The following DDX60 variants were observed in gnomAD, a reference collection of about 807,000 sequenced individuals.
DDX60 encodes the protein DExD/H-box helicase 60.
Under a neutral mutation model 212.8 loss-of-function variants are expected in DDX60, and 165 were observed. That is an observed-to-expected ratio of 0.78 (90% CI 0.68 to 0.88). DDX60 has a LOEUF of 0.88. Ranked by LOEUF, DDX60 falls within the 40% of genes least tolerant of loss-of-function variation. The pLI is 0.00. For synonymous variants in DDX60, 703 were observed against 685.3 expected (o/e 1.03, Z -0.40); for missense variants, 1,905 against 2,003.9 (o/e 0.95, Z 0.94).
chr4:168,294,017 G>A (rs1031143214), intron 6 of DDX60, 72 bp from the exon 7 acceptor site: 2 of 1,415,746 alleles, frequency 1.4e-6, no homozygotes, highest in African/African-American at 1.4e-5. Context: ...GATCTTACTA[G>A]TGGGTACTAC....
At chr4:168,281,919 A>G (rs573049360) in intron 13 of DDX60, among the ~76,000 whole-genome samples, 7 of 152,300 alleles carry the variant, frequency 4.6e-5, no homozygotes, top group Admixed American at 2.6e-4. Context: ...GTTACCTTTG[A>G]CCCTTTGCCA....
chr4:168,323,565 T>C (rs1192645612), upstream of DDX60, among the ~76,000 whole-genome samples: 1 of 152,226 alleles, frequency 6.6e-6, no homozygotes, highest in East Asian at 1.9e-4. Flanking sequence ...TGTTATATAT[T>C]CTGAGAAGTG....
chr4:168,235,598 A>G (rs1339377542), intron 33 of DDX60, among the ~76,000 whole-genome samples: 1 of 152,108 alleles, frequency 6.6e-6, no homozygotes, highest in East Asian at 1.9e-4. Context: ...GAAAATATAT[A>G]CTAATTCTTT....
At position 168,307,988 on chromosome 4, in the gene DDX60, A is replaced by G; in HGVS notation, c.264+18T>C. On this transcript the variant is annotated intron_variant, in intron 4 of 37. Coordinates refer to ENST00000393743, the MANE Select transcript of DDX60 (RefSeq NM_017631.6). ...TTTAGTTCTCATATTATAAAAAAGA[A>G]CTCAACTATCATGTTACCTTGAAGA... is the stretch of plus-strand genomic sequence containing the variant. 1 of 1,487,064 alleles carries G rather than the reference A, an allele frequency of 6.7e-7. No individual in the cohort carries two copies. The allele number at this position is 1,487,064 out of a possible 1,614,324, so 92.1% of individuals were successfully genotyped here.
Position 168,268,003 on chromosome 4 carries a change from T to C in DDX60, c.2787-20A>G. On this transcript the variant is annotated intron_variant, in intron 20 of 37. Transcript: ENST00000393743. Reference sequence around the variant, plus strand: ...AGCCACCTTAAAAAATAAATGTACATATTATTTAGGCAGAACATGGAACTA... The same window carrying C: ...AGCCACCTTAAAAAATAAATGTACACATTATTTAGGCAGAACATGGAACTA... 6.3e-7 allele frequency: 1 copy of C among 1,596,274 alleles called. No homozygotes were observed. The highest frequency in any genetic ancestry group is 1.3e-5 in the African/African-American group (1 of 74,220).
intron 27 of DDX60, 117 bp downstream of exon 27, chr4:168,252,392 G>T: frequency 8.1e-7 from 1 of 1,232,542 alleles, no homozygotes. Flanking sequence ...TTTTGGTAGG[G>T]ATTGTATTAA....
chr4:168,280,461 A>G lies in DDX60; in HGVS notation c.1852T>C (p.Ser618Pro), dbSNP rs1735539712. Reference sequence around the variant, plus strand: ...AAATCTTCCAGGCTCTTTATTCCAGAGTGTAAATTTTCTTTCAATTGCTCT... The same window carrying G: ...AAATCTTCCAGGCTCTTTATTCCAGGGTGTAAATTTTCTTTCAATTGCTCT... ...IEEQLKENLH[S>P]GIKSLEDFLK... The change falls in exon 14 of 38, where the codon TCT (serine) becomes CCT (proline). Residue 618 changes from serine (S) to proline (P), a missense_variant. Physicochemically the swap from Ser to Pro is moderately conservative, Grantham distance 74. Transcript: ENST00000393743. 6.2e-7 allele frequency: 1 copy of G among 1,614,162 alleles called. No individual in the cohort carries two copies. Among genetic ancestry groups the G allele is most frequent in the Non-Finnish European group, 8.5e-7 (1 of 1,180,016 alleles).
intron 33 of DDX60, among the ~76,000 whole-genome samples, chr4:168,230,595 C>T (rs1733417123): frequency 6.6e-6 from 1 of 152,004 alleles, no homozygotes; most frequent in Admixed American, 6.6e-5. Context: ...ATTATTGGGT[C>T]AACAATGAAA....
chr4:168,269,776 C>T (rs1354428610), intron 19 of DDX60, among the ~76,000 whole-genome samples: 1 of 152,136 alleles, frequency 6.6e-6, no homozygotes, highest in African/African-American at 2.4e-5. Flanking sequence ...CTGTCTCCAC[C>T]TTTACTATGG....
rs1413053198 is a variant in DDX60 at position 168,237,778 on chromosome 4, C to T, written c.4182G>A (p.Lys1394=). Residue 1394 remains lysine (K), a synonymous_variant, in exon 31 of 38, where the codon AAG becomes AAA. Coordinates refer to ENST00000393743, the MANE Select transcript of DDX60 (RefSeq NM_017631.6). ...DAKAKVLSVL[K]HSLLSFKQPR... ...GTTGCTTGAAGGACAGCAATGAATG[C>T]TTTAGCACTGATAGCACCTTTAAAG... is the stretch of plus-strand genomic sequence containing the variant. The T allele has an allele frequency of 6.2e-7, 1 of 1,609,108 alleles. No homozygotes were observed. Among genetic ancestry groups the T allele is most frequent in the African/African-American group, 1.3e-5 (1 of 74,858 alleles).
rs1252643132 is a variant in DDX60, at chr4:168,268,972, A to G, written c.2671-3T>C. On this transcript the variant is annotated splice_region_variant and splice_polypyrimidine_tract_variant and intron_variant, in intron 19 of 37. Coordinates refer to ENST00000393743, the MANE Select transcript of DDX60 (RefSeq NM_017631.6). ...ATTTCTCCACCAAGACAATGAACCTATTAAACAAAAAAAAAAAAATCTCAA... is the reference window on the plus strand; with the variant it reads ...ATTTCTCCACCAAGACAATGAACCTGTTAAACAAAAAAAAAAAAATCTCAA... The G allele has an allele frequency of 6.9e-7, 1 of 1,443,406 alleles. No individual in the cohort carries two copies. Among genetic ancestry groups the G allele is most frequent in the Non-Finnish European group, 9.2e-7 (1 of 1,082,052 alleles). The allele number at this position is 1,443,406 out of a possible 1,614,324, so 89.4% of individuals were successfully genotyped here. A position where few individuals can be genotyped will look rare whatever the true frequency, so the allele number is the denominator to read the frequency against.
At chr4:168,310,153 T>C (rs1427317900) in intron 3 of DDX60, among the ~76,000 whole-genome samples, 1 of 152,198 alleles carries the variant, frequency 6.6e-6, no homozygotes, top group Non-Finnish European at 1.5e-5. Flanking sequence ...ACAATGTCCC[T>C]GGCCACCTAG....
At chr4:168,316,270 TA>T (rs1458830550) in intron 1 of DDX60, among the ~76,000 whole-genome samples, 1 of 152,196 alleles carries the variant, frequency 6.6e-6, no homozygotes, top group East Asian at 1.9e-4. Flanking sequence ...CTACACTGAG[TA>T]ATGTGTACAT....
At chr4:168,307,935 T>A in intron 4 of DDX60, 71 bp downstream of exon 4, 1 of 856,326 alleles carries the variant, frequency 1.2e-6, no homozygotes. Context: ...AAGAAAAATA[T>A]ATATATAATA....
At chr4:168,295,991 C>A (rs1736324203) in intron 6 of DDX60, among the ~76,000 whole-genome samples, 2 of 152,100 alleles carry the variant, frequency 1.3e-5, no homozygotes, top group Non-Finnish European at 2.9e-5. Context: ...AAACTCTTCT[C>A]TTCAGAGGGT....
chr4:168,226,565 T>C (rs1020531833), intron 33 of DDX60, among the ~76,000 whole-genome samples: 2 of 152,118 alleles, frequency 1.3e-5, no homozygotes, highest in Non-Finnish European at 2.9e-5. Context: ...TGTATATTCA[T>C]GGATTATATG....
intron 8 of DDX60, among the ~76,000 whole-genome samples, chr4:168,289,165 T>G (rs1735983557): frequency 6.6e-6 from 1 of 152,246 alleles, no homozygotes; most frequent in African/African-American, 2.4e-5. Context: ...TATGTCTAAT[T>G]AAAGACTAAG....
intron 35 of DDX60, among the ~76,000 whole-genome samples, chr4:168,222,913 T>C (rs565859791): frequency 6.6e-6 from 1 of 152,120 alleles, no homozygotes; most frequent in East Asian, 1.9e-4. Context: ...ATATTCACAC[T>C]ACAAAATATT....
In DDX60 at chr4:168,285,505, A is replaced by C; in HGVS notation, c.1340-7T>G. 6.3e-7 allele frequency: 1 copy of C among 1,579,526 alleles called. No individual in the cohort carries two copies. Among genetic ancestry groups the C allele is most frequent in the Non-Finnish European group, 8.6e-7 (1 of 1,159,802 alleles). ...ACCATTTCATTGGAGCTGTCTGTAA[A>C]CAAACAAAAAAAAATTGAGACAAGG... On this transcript the variant is annotated splice_polypyrimidine_tract_variant and splice_region_variant and intron_variant, in intron 10 of 37. Transcript: ENST00000393743.
Sources: allele counts gnomAD v4.1 joint callset (sites outside exome capture counted in the v4.1 genomes callset), GRCh38; gene constraint gnomAD v4.1.1; transcripts MANE v1.5; gene names NCBI Gene and HGNC (gene_info 2026-07-23, HGNC 2026-07-21).